Variants in ZNF544 observed in about 807,000 individuals in gnomAD.
The protein encoded by ZNF544 is zinc finger protein AF020591.
In ZNF544, 10 loss-of-function variants were observed where a neutral mutation model predicts 13.5. The ratio of observed to expected loss-of-function variants is 0.74; its 90% confidence interval spans 0.46 to 1.25. The LOEUF is 1.25. Ranked by LOEUF, ZNF544 falls within the 50% of genes most tolerant of loss-of-function variation. The pLI is 0.00. For synonymous variants in ZNF544, 323 were observed against 300.5 expected, an observed-to-expected ratio of 1.07 and a Z score of -0.77; for missense variants, 896 against 845.6, an observed-to-expected ratio of 1.06 and a Z score of -0.74.
chr19:58,241,183 T>TATATATA (rs1254015931), intron 3 of ZNF544, among the ~76,000 whole-genome samples: 1 of 31,458 alleles, frequency 3.2e-5, no homozygotes, highest in African/African-American at 1.0e-4. Flanking sequence ...ATATATATTT[T>TATATATA]TTTTTTTTTG....
chr19:58,251,672 T>A (rs2046321944), intron 6 of ZNF544, among the ~76,000 whole-genome samples: 1 of 152,194 alleles, frequency 6.6e-6, no homozygotes, highest in South Asian at 2.1e-4. Context: ...GGATCAGAGA[T>A]TAGATCATTA....
downstream of ZNF544, among the ~76,000 whole-genome samples, chr19:58,268,500 T>C (rs1967327324): frequency 6.6e-6 from 1 of 152,118 alleles, no homozygotes; most frequent in South Asian, 2.1e-4. Flanking sequence ...GCAAGGCCGT[T>C]TTTACTTTCT....
chr19:58,266,649 G>A (rs1310839228), downstream of ZNF544: 1 of 152,070 alleles, frequency 6.6e-6, no homozygotes, highest in Non-Finnish European at 1.5e-5. Flanking sequence ...GCCATAGACT[G>A]ATAGACCAGA....
chr19:58,273,784 A>C (rs893097417), intron 5 of ZNF544, among the ~76,000 whole-genome samples: 3 of 151,040 alleles, frequency 2.0e-5, no homozygotes, highest in African/African-American at 4.9e-5. Flanking sequence ...TGAAGACCCT[A>C]AACAGTTTTT....
At position 58,262,226 on chromosome 19, in the gene ZNF544, A is replaced by G; in HGVS notation, c.1620A>G (p.Arg540=). The change falls in exon 7 of 7, where the codon CGA becomes CGG. Residue 540 remains arginine (R), a synonymous_variant. Transcript: ENST00000687789. The part of the protein sequence containing the change: ...SQSSKLITHQ[R]IHTGEKPYQC... ...GTTCCAAACTTATTACGCATCAGCG[A>G]ATTCACACTGGAGAAAAACCGTATC... 6.2e-7 allele frequency: 1 copy of G among 1,614,060 alleles called. No individual in the cohort carries two copies. Among genetic ancestry groups the G allele is most frequent in the Non-Finnish European group, 8.5e-7 (1 of 1,180,008 alleles).
intron 3 of ZNF544, among the ~76,000 whole-genome samples, chr19:58,239,668 G>A (rs1202703003): frequency 2.0e-5 from 3 of 152,232 alleles, no homozygotes; most frequent in Non-Finnish European, 4.4e-5. Flanking sequence ...GGAGGCCGGG[G>A]TGGGCGGATC....
At chr19:58,257,678 G>C (rs575581396) in intron 6 of ZNF544, 1 of 152,342 alleles carries the variant, frequency 6.6e-6, no homozygotes, top group African/African-American at 2.4e-5. Flanking sequence ...AAGTCAGCAT[G>C]AATCAGCCTT....
rs1491197079 is a variant in ZNF544 at position 58,247,946 on chromosome 19, ACT to A, written c.244+1155_244+1156del. On this transcript the variant is annotated intron_variant, in intron 6 of 6. Transcript: ENST00000687789. The stretch of plus-strand genomic sequence containing the variant: ...TTTTTTTTTTCCCAGACAGAGTCTC[ACT>A]CTGTCACCAGGCTGGCGTACAGTGG... Among the ~76,000 whole-genome samples the A allele has an allele frequency of 5.3e-5, 8 of 150,078 alleles. No individual in the cohort carries two copies. In the East Asian group the frequency reaches 1.6e-3, roughly 30 times the overall value.
At chr19:58,231,927 G>T (rs1224638061) in intron 3 of ZNF544, 1 of 151,778 alleles carries the variant, frequency 6.6e-6, no homozygotes, top group Non-Finnish European at 1.5e-5. Context: ...TGCAGTCTCC[G>T]CCTCCTGGGT....
downstream of ZNF544, among the ~76,000 whole-genome samples, chr19:58,264,975 A>T (rs1280905199): frequency 6.6e-6 from 1 of 152,170 alleles, no homozygotes; most frequent in African/African-American, 2.4e-5. Flanking sequence ...AGATCACACC[A>T]CTGCACTCCA....
chr19:58,249,823 A>G (rs2046003531), intron 6 of ZNF544, among the ~76,000 whole-genome samples: 1 of 151,848 alleles, frequency 6.6e-6, no homozygotes, highest in South Asian at 2.1e-4. Flanking sequence ...CAATGTCTCT[A>G]TTTTTTCTTT....
chr19:58,242,616 C>A (rs563024698), intron 3 of ZNF544, among the ~76,000 whole-genome samples: 1 of 151,526 alleles, frequency 6.6e-6, no homozygotes, highest in Non-Finnish European at 1.5e-5. Context: ...AGGGCTCATG[C>A]GATCATCTCA....
At chr19:58,241,179 A>ATATATATATATTTTTTTTT (rs1181835768) in intron 3 of ZNF544, among the ~76,000 whole-genome samples, 2 of 72,766 alleles carry the variant, frequency 2.7e-5, no homozygotes, top group African/African-American at 1.2e-4. Context: ...ATATATATAT[A>ATATATATATATTTTTTTTT]TTTTTTTTTT....
At position 58,238,078 on chromosome 19, in the gene ZNF544, G is replaced by A. The variant is rs529117094; in HGVS notation, c.-59-5887G>A. 9.9e-4 allele frequency among the ~76,000 whole-genome samples: 151 copies of A among 152,238 alleles called. 1 individual carries two copies. Among genetic ancestry groups the A allele is most frequent in the African/African-American group, 3.1e-3 (130 of 41,550 alleles). On this transcript the variant is annotated intron_variant, in intron 3 of 6. Coordinates refer to ENST00000687789, the MANE Select transcript of ZNF544 (RefSeq NM_014480.4). The stretch of plus-strand genomic sequence containing the variant: ...CTCCTGAGTAGCTGGGATTACAGAC[G>A]TGCACCACCACGCCCGGCTAATTTT...
rs1254015931 is a variant in ZNF544 at position 58,241,183 on chromosome 19, T to TAATATATATA, written c.-59-2782_-59-2781insAATATATATA. Reference sequence around the variant, plus strand: ...TTTAAATATATATATATATATATTTTTTTTTTTTTGTAGAGATAGGGTCTC... The same window carrying TAATATATATA: ...TTTAAATATATATATATATATATTTTAATATATATATTTTTTTTTGTAGAGATAGGGTCTC... On this transcript the variant is annotated intron_variant, in intron 3 of 6. Coordinates refer to ENST00000687789, the MANE Select transcript of ZNF544 (RefSeq NM_014480.4). Among the ~76,000 whole-genome samples the TAATATATATA allele has an allele frequency of 1.3e-4, 4 of 31,460 alleles. No homozygotes were observed. The East Asian group carries it at 2.1e-3, about 17-fold the overall frequency. The allele number at this position is 31,460 out of a possible 152,430, so 20.6% of individuals were successfully genotyped here. A position where few individuals can be genotyped will look rare whatever the true frequency, so the allele number is the denominator to read the frequency against.
In ZNF544 at chr19:58,244,146, C is replaced by G. The variant is rs1054510476; in HGVS notation, c.33+90C>G. On this transcript the variant is annotated intron_variant, in intron 4 of 6. Transcript: ENST00000687789. ...GCACCCGCCCCTGCAGGCTGTCACACAGGAGCGCTCCGCAGTGCTGGCCAG... is the reference window on the plus strand; with the variant it reads ...GCACCCGCCCCTGCAGGCTGTCACAGAGGAGCGCTCCGCAGTGCTGGCCAG... The G allele has an allele frequency of 2.9e-5, 34 of 1,156,960 alleles. No individual in the cohort carries two copies. The Admixed American group carries it at 7.1e-4, about 24-fold the overall frequency. The allele number at this position is 1,156,960 out of a possible 1,614,324, so 71.7% of individuals were successfully genotyped here.
chr19:58,266,432 A>G (rs534710363), downstream of ZNF544, among the ~76,000 whole-genome samples: 31 of 146,842 alleles, frequency 2.1e-4, no homozygotes, highest in African/African-American at 4.3e-4. Flanking sequence ...GGAGAATGGC[A>G]TGAACCCAGG....
chr19:58,254,130 A>C (rs1306675887), intron 6 of ZNF544, among the ~76,000 whole-genome samples: 1 of 152,092 alleles, frequency 6.6e-6, no homozygotes, highest in Non-Finnish European at 1.5e-5. Context: ...AGGCTGAGGC[A>C]GGAGAATGGC....
chr19:58,242,335 C>G (rs932658307), intron 3 of ZNF544: 16 of 953,276 alleles, frequency 1.7e-5, no homozygotes, highest in Non-Finnish European at 2.0e-5. Context: ...AAATACAGCA[C>G]AGAGAAAGCA....
Sources: allele counts gnomAD v4.1 joint callset (sites outside exome capture counted in the v4.1 genomes callset), GRCh38; gene constraint gnomAD v4.1.1; transcripts MANE v1.5; gene names NCBI Gene and HGNC (gene_info 2026-07-23, HGNC 2026-07-21).